The following FAM135A variants were observed in gnomAD, a reference collection of about 807,000 sequenced individuals.
The protein encoded by FAM135A is family with sequence similarity 135 member A.
A neutral mutation model predicts 146.8 loss-of-function variants in FAM135A; 79 were observed. The observed-to-expected ratio is 0.54, with a 90% CI of 0.45 to 0.65. The LOEUF (loss-of-function observed/expected upper bound fraction) is 0.65, where lower values mean the gene tolerates loss of function less well. FAM135A is among the 30% of genes least tolerant of loss of function. FAM135A has a pLI of 0.00. For synonymous variants in FAM135A, 562 were observed against 603.6 expected (o/e 0.93, Z 1.01); for missense variants, 1,623 against 1,758.2 (o/e 0.92, Z 1.38).
intron 16 of FAM135A, among the ~76,000 whole-genome samples, chr6:70,532,911 G>T (rs923464787): frequency 6.6e-6 from 1 of 150,998 alleles, no homozygotes; most frequent in Admixed American, 6.6e-5. Context: ...CAGCTTGGGC[G>T]ACAGAGCAAG....
chr6:70,512,146 G>C lies in FAM135A; in HGVS notation c.1029+9355G>C, dbSNP rs73485119. Among the ~76,000 whole-genome samples the C allele has an allele frequency of 4.1e-3, 627 of 151,994 alleles. 3 individuals carry two copies. The highest frequency in any genetic ancestry group is 0.015 in the African/African-American group (607 of 41,500). On this transcript the variant is annotated intron_variant, in intron 12 of 21. Transcript: ENST00000418814. ...TTCCTACACCCCATAAGCAACTACT[G>C]TCTTGATTAGAAATAGAATTTTCAT...
intron 16 of FAM135A, among the ~76,000 whole-genome samples, chr6:70,530,030 C>G (rs57731996): frequency 0.043 from 6,535 of 151,980 alleles, 304 homozygotes; most frequent in African/African-American, 0.1. Context: ...CGCCACTGCA[C>G]TTCAGCCTGG....
At position 70,559,939 on chromosome 6, in the gene FAM135A, C is replaced by T. The variant is rs771683383; in HGVS notation, c.*18C>T. On this transcript the variant is annotated 3_prime_UTR_variant, in exon 22 of 22. Coordinates refer to ENST00000418814, the MANE Select transcript of FAM135A (RefSeq NM_001162529.3). The stretch of plus-strand genomic sequence containing the variant: ...TCCAATAGTATAAAAGCATTGTTAG[C>T]GACTGGACAATTACCTCATTCAACA... The T allele has an allele frequency of 6.6e-5, 103 of 1,572,062 alleles. 4 individuals carry two copies. The South Asian group carries it at 8.4e-4, about 13-fold the overall frequency.
rs1190833736 is a variant in FAM135A, at chr6:70,435,103, ATATATATT to A, written c.77+6686_77+6693del. ...TGTGTATATATATATATATATATATATATATATTTTTTTTTTTTTTTAGATGGAGTCTC... is the reference window on the plus strand; with the variant it reads ...TGTGTATATATATATATATATATATATTTTTTTTTTTTTAGATGGAGTCTC... On this transcript the variant is annotated intron_variant, in intron 4 of 21. Transcript: ENST00000418814. Among the ~76,000 whole-genome samples, 290 of 104,600 alleles carry A rather than the reference ATATATATT, an allele frequency of 2.8e-3. 1 individual carries two copies. Among genetic ancestry groups the A allele is most frequent in the African/African-American group, 0.01 (208 of 19,900 alleles). 68.6% of individuals were successfully genotyped at this position (104,600 alleles called of 152,430 possible). A position where few individuals can be genotyped will look rare whatever the true frequency, so the allele number is the denominator to read the frequency against.
chr6:70,551,463 A>T (rs1799821752), intron 20 of FAM135A, among the ~76,000 whole-genome samples: 1 of 152,176 alleles, frequency 6.6e-6, no homozygotes, highest in Non-Finnish European at 1.5e-5. Context: ...AACAAAAAAA[A>T]TACCCAATGT....
chr6:70,490,879 GTAAT>G (rs1397291238), intron 10 of FAM135A, among the ~76,000 whole-genome samples, 151 bp from the exon 11 acceptor site: 1 of 151,900 alleles, frequency 6.6e-6, no homozygotes, highest in Non-Finnish European at 1.5e-5. Context: ...CATTACCTAT[GTAAT>G]TAATATGTTT....
At chr6:70,502,275 ACT>A (rs56023965) in intron 11 of FAM135A, among the ~76,000 whole-genome samples, 19,803 of 152,122 alleles carry the variant, frequency 0.13, 1,525 homozygotes, top group Middle Eastern at 0.19. Context: ...AACAATTATA[ACT>A]CTCATTATTT....
chr6:70,544,449 A>G (rs1302259036), intron 20 of FAM135A, among the ~76,000 whole-genome samples: 1 of 151,898 alleles, frequency 6.6e-6, no homozygotes, highest in African/African-American at 2.4e-5. Flanking sequence ...AATCGCTTGA[A>G]CCTGGGAGGC....
chr6:70,559,199 G>A (rs940193294), intron 21 of FAM135A, among the ~76,000 whole-genome samples: 18 of 152,196 alleles, frequency 1.2e-4, no homozygotes, highest in African/African-American at 4.3e-4. Flanking sequence ...CCAGCACTTT[G>A]GGAGGCTGAG....
At chr6:70,531,888 C>CTTT (rs869128532) in intron 16 of FAM135A, among the ~76,000 whole-genome samples, 213 of 85,734 alleles carry the variant, frequency 2.5e-3, no homozygotes, top group Non-Finnish European at 3.3e-3. Flanking sequence ...AAACTGATTT[C>CTTT]TTTTTTTTTT....
At chr6:70,507,305 G>A (rs969858951) in intron 12 of FAM135A, among the ~76,000 whole-genome samples, 4 of 152,100 alleles carry the variant, frequency 2.6e-5, no homozygotes, top group African/African-American at 9.7e-5. Flanking sequence ...AATTCAAGAG[G>A]AACCTTGCTA....
chr6:70,450,186 T>A (rs1302107297), intron 4 of FAM135A, among the ~76,000 whole-genome samples: 1 of 152,160 alleles, frequency 6.6e-6, no homozygotes, highest in Non-Finnish European at 1.5e-5. Flanking sequence ...GGTTTGCAAA[T>A]ATTTAAACTT....
At chr6:70,485,771 T>C (rs1304026888) in intron 10 of FAM135A, among the ~76,000 whole-genome samples, 2 of 152,206 alleles carry the variant, frequency 1.3e-5, no homozygotes, top group Non-Finnish European at 2.9e-5. Context: ...TGATGACATA[T>C]AATTAAATAT....
At chr6:70,447,783 G>A (rs1436339294) in intron 4 of FAM135A, among the ~76,000 whole-genome samples, 1 of 152,148 alleles carries the variant, frequency 6.6e-6, no homozygotes, top group East Asian at 1.9e-4. Context: ...CTATCTGGCA[G>A]CCTGACTCGC....
chr6:70,460,828 C>G (rs1426054379), intron 5 of FAM135A, among the ~76,000 whole-genome samples: 1 of 150,698 alleles, frequency 6.6e-6, no homozygotes, highest in Non-Finnish European at 1.5e-5. Flanking sequence ...TTAGATTTAC[C>G]TAGATAGATA....
At chr6:70,436,575 C>T (rs920891406) in intron 4 of FAM135A, among the ~76,000 whole-genome samples, 27 of 152,046 alleles carry the variant, frequency 1.8e-4, no homozygotes, top group Non-Finnish European at 3.4e-4. Flanking sequence ...CTAGTAAGTT[C>T]TGCTTTTCTG....
In FAM135A at chr6:70,560,003, G is replaced by A; in HGVS notation, c.*82G>A. ...TGTATTATATTAAAATGTAGATGCT[G>A]ATAAGTTCTAAGAAATATTTATACC... On this transcript the variant is annotated 3_prime_UTR_variant, in exon 22 of 22. Transcript: ENST00000418814. The A allele has an allele frequency of 1.8e-6, 2 of 1,109,634 alleles. No homozygotes were observed. The highest frequency in any genetic ancestry group is 2.6e-6 in the Non-Finnish European group (2 of 779,510). 68.7% of individuals were successfully genotyped at this position (1,109,634 alleles called of 1,614,324 possible). A position where few individuals can be genotyped will look rare whatever the true frequency, so the allele number is the denominator to read the frequency against.
intron 4 of FAM135A, among the ~76,000 whole-genome samples, chr6:70,430,045 G>C (rs1199322204): frequency 6.6e-6 from 1 of 152,110 alleles, no homozygotes; most frequent in African/African-American, 2.4e-5. Context: ...GTCTGAGATA[G>C]AGAGCAGAAG....
At position 70,525,449 on chromosome 6, in the gene FAM135A, T is replaced by G. The variant is rs775807887; in HGVS notation, c.2365T>G (p.Phe789Val). 3 of 1,613,458 alleles carry G rather than the reference T, an allele frequency of 1.9e-6. No individual in the cohort carries two copies. The highest frequency in any genetic ancestry group is 2.2e-5 in the East Asian group (1 of 44,858). ...GACACATCCAAACACTGATTTAGTC[T>G]TTGAAACTGTGCAAGGGCAAGGTCC... Reference protein sequence around the residue: ...FATHPNTDLVFETVQGQGPCN... With the variant: ...FATHPNTDLVVETVQGQGPCN... The change falls in exon 15 of 22, where the codon TTT becomes GTT. Residue 789 changes from phenylalanine (F) to valine (V), a missense_variant. Physicochemically the swap from Phe to Val is conservative, Grantham distance 50 (BLOSUM62 -1). This residue lies in a region of FAM135A where 1,061 missense variants were observed against 1,113.8 expected (regional missense o/e 0.95). Transcript: ENST00000418814.
Sources: gnomAD v4.1 joint callset for allele counts (sites outside exome capture counted in the v4.1 genomes callset) on GRCh38, gnomAD v4.1.1 for gene constraint, gnomAD v4.1.1 regional missense constraint, MANE v1.5 for transcripts, NCBI Gene and HGNC (gene_info 2026-07-23, HGNC 2026-07-21) for gene names.